B4GALT5: variants seen among roughly 807,000 people sequenced by gnomAD.
B4GALT5 encodes UDP-Gal:beta-GlcNAc beta-1,4-galactosyltransferase 5.
B4GALT5 carries 11 observed loss-of-function variants against 45.0 expected under a neutral mutation model. The observed-to-expected ratio is 0.24, with a 90% CI of 0.15 to 0.40. The LOEUF is 0.40. Ranked by LOEUF, B4GALT5 falls within the 10% of genes least tolerant of loss-of-function variation. The pLI, the probability that B4GALT5 is intolerant of heterozygous loss-of-function variation, is 1.00. For missense variants in B4GALT5, 337 were observed against 500.2 expected (o/e 0.67, Z 3.11); for synonymous variants, 185 against 182.9 (o/e 1.01, Z -0.09).
At chr20:49,636,564 G>A (rs1441944426) in intron 8 of B4GALT5, 105 bp from the exon 9 acceptor site, 2 of 1,314,790 alleles carry the variant, frequency 1.5e-6, no homozygotes, top group Admixed American at 4.4e-5. Context: ...GCAACCCATG[G>A]CAGCACTTCT....
At chr20:49,683,868 C>T (rs1230274093) in intron 1 of B4GALT5, among the ~76,000 whole-genome samples, 2 of 151,810 alleles carry the variant, frequency 1.3e-5, no homozygotes, top group Non-Finnish European at 2.9e-5. Context: ...CAGCCAGGCA[C>T]GGTGGCTCAC....
intron 5 of B4GALT5, among the ~76,000 whole-genome samples, chr20:49,641,154 C>T (rs1406943273): frequency 1.3e-5 from 2 of 152,088 alleles, no homozygotes; most frequent in Non-Finnish European, 2.9e-5. Context: ...ACCTCTGGCC[C>T]CAATTTCTTT....
chr20:49,636,254 AT>A lies in B4GALT5; in HGVS notation c.*57del. 1 of 1,592,140 alleles carries A rather than the reference AT, an allele frequency of 6.3e-7. No homozygotes were observed. Among genetic ancestry groups the A allele is most frequent in the South Asian group, 1.1e-5 (1 of 89,332 alleles). On this transcript the variant is annotated 3_prime_UTR_variant, in exon 9 of 9. Transcript: ENST00000371711. ...TAGACCCTCCCCCCTCCAAAAAAAAATCTCATCGGACTGCTTTCTTGGTGGC... is the reference window on the plus strand; with the variant it reads ...TAGACCCTCCCCCCTCCAAAAAAAAACTCATCGGACTGCTTTCTTGGTGGC...
chr20:49,669,212 C>A (rs550890185), intron 1 of B4GALT5, among the ~76,000 whole-genome samples: 1 of 152,196 alleles, frequency 6.6e-6, no homozygotes, highest in Non-Finnish European at 1.5e-5. Context: ...TCATCCCACC[C>A]CCAAGATTAG....
intron 1 of B4GALT5, among the ~76,000 whole-genome samples, chr20:49,682,778 G>A (rs1281230863): frequency 3.3e-5 from 5 of 152,090 alleles, no homozygotes; most frequent in African/African-American, 1.2e-4. Context: ...TATTATTAGT[G>A]AGCCTAAGGC....
chr20:49,647,644 C>T (rs1045559500), intron 2 of B4GALT5, among the ~76,000 whole-genome samples: 14 of 152,162 alleles, frequency 9.2e-5, no homozygotes, highest in East Asian at 5.8e-4. Flanking sequence ...AAGTACTAGT[C>T]GTCGCTGAGA....
chr20:49,639,563 G>A (rs1179785421), intron 7 of B4GALT5, 115 bp downstream of exon 7: 1 of 1,427,910 alleles, frequency 7.0e-7, no homozygotes, highest in Non-Finnish European at 9.4e-7. Flanking sequence ...TTAAACTGTA[G>A]CTACTAGAAC....
At chr20:49,664,526 G>A (rs1441428176) in intron 1 of B4GALT5, among the ~76,000 whole-genome samples, 1 of 148,042 alleles carries the variant, frequency 6.8e-6, no homozygotes, top group Non-Finnish European at 1.5e-5. Context: ...AACTGATCTG[G>A]ACCAAAAAAA....
At chr20:49,668,818 C>G (rs1167112783) in intron 1 of B4GALT5, among the ~76,000 whole-genome samples, 1 of 152,232 alleles carries the variant, frequency 6.6e-6, no homozygotes, top group African/African-American at 2.4e-5. Flanking sequence ...CTCCCACCCC[C>G]ACTGACACCT....
chr20:49,663,693 ATAT>A (rs1568722613), intron 1 of B4GALT5, among the ~76,000 whole-genome samples: 2,919 of 51,984 alleles, frequency 0.056, 308 homozygotes, highest in Non-Finnish European at 0.076. Context: ...AAAAAAAAAT[ATAT>A]ACATATATAT....
rs538380708 is a variant in B4GALT5 at position 49,678,496 on chromosome 20, C to T, written c.116-21794G>A. On this transcript the variant is annotated intron_variant, in intron 1 of 8. Coordinates refer to ENST00000371711, the MANE Select transcript of B4GALT5 (RefSeq NM_004776.4). ...GACAGGCACCAGCCATGAGTCCCTACGTGGTGGTGTGCATGCTGCCTCTGA... is the reference window on the plus strand; with the variant it reads ...GACAGGCACCAGCCATGAGTCCCTATGTGGTGGTGTGCATGCTGCCTCTGA... 2.1e-3 allele frequency among the ~76,000 whole-genome samples: 324 copies of T among 152,298 alleles called. 2 individuals carry two copies. Among genetic ancestry groups the T allele is most frequent in the Non-Finnish European group, 2.4e-3 (165 of 68,018 alleles).
chr20:49,700,040 C>CA (rs1345608287), intron 1 of B4GALT5, among the ~76,000 whole-genome samples: 1 of 152,138 alleles, frequency 6.6e-6, no homozygotes, highest in Non-Finnish European at 1.5e-5. Flanking sequence ...AATAGCTGAT[C>CA]AAAGACTCAA....
chr20:49,654,644 C>A (rs1157886015), intron 2 of B4GALT5, among the ~76,000 whole-genome samples: 2 of 152,118 alleles, frequency 1.3e-5, no homozygotes, highest in Non-Finnish European at 2.9e-5. Context: ...ATTTTCTAAG[C>A]GCCACAGAAT....
In B4GALT5 at chr20:49,646,945, C is replaced by T; in HGVS notation, c.364+20G>A. 2 of 1,501,248 alleles carry T rather than the reference C, an allele frequency of 1.3e-6. No homozygotes were observed. The highest frequency in any genetic ancestry group is 1.8e-6 in the Non-Finnish European group (2 of 1,087,254). 93.0% of individuals were successfully genotyped at this position (1,501,248 alleles called of 1,614,324 possible). ...TATCCATTTTAAAAGCAGAGGAAGACAGGCCAGAGCTGTACTCACTCATGG... is the reference window on the plus strand; with the variant it reads ...TATCCATTTTAAAAGCAGAGGAAGATAGGCCAGAGCTGTACTCACTCATGG... On this transcript the variant is annotated intron_variant, in intron 3 of 8. Transcript: ENST00000371711.
intron 1 of B4GALT5, among the ~76,000 whole-genome samples, chr20:49,709,696 G>A (rs558943895): frequency 6.6e-6 from 1 of 151,866 alleles, no homozygotes; most frequent in Non-Finnish European, 1.5e-5. Context: ...TTGAACCTGG[G>A]GGGCAGAGGT....
intron 1 of B4GALT5, among the ~76,000 whole-genome samples, chr20:49,707,341 G>A (rs1162109862): frequency 6.6e-6 from 1 of 151,892 alleles, no homozygotes; most frequent in Non-Finnish European, 1.5e-5. Flanking sequence ...ACTCAAATAT[G>A]TGCGCAAGAG....
At chr20:49,642,147 C>CT (rs2085579841) in intron 5 of B4GALT5, among the ~76,000 whole-genome samples, 3 of 152,308 alleles carry the variant, frequency 2.0e-5, no homozygotes, top group African/African-American at 7.2e-5. Context: ...ATCCTCTGTG[C>CT]TGTACCTTGC....
chr20:49,643,718 T>TAA (rs2085586806), intron 3 of B4GALT5, 68 bp from the exon 4 acceptor site: 1 of 1,557,014 alleles, frequency 6.4e-7, no homozygotes, highest in Admixed American at 1.8e-5. Context: ...CCTGGGGTTT[T>TAA]AGTCTCTGGA....
chr20:49,666,683 C>T (rs1483144163), intron 1 of B4GALT5, among the ~76,000 whole-genome samples: 1 of 152,172 alleles, frequency 6.6e-6, no homozygotes, highest in Non-Finnish European at 1.5e-5. Context: ...ACAGATAAGA[C>T]ACAATAAAAA....
Sources: allele counts gnomAD v4.1 joint callset (sites outside exome capture counted in the v4.1 genomes callset), GRCh38; gene constraint gnomAD v4.1.1; transcripts MANE v1.5; gene names NCBI Gene and HGNC (gene_info 2026-07-23, HGNC 2026-07-21).